The following SLC24A3 variants were observed in gnomAD, a reference collection of about 807,000 sequenced individuals.
SLC24A3 encodes sodium/potassium/calcium exchanger 3.
SLC24A3 carries 28 observed loss-of-function variants against 75.8 expected under a neutral mutation model. The ratio of observed to expected loss-of-function variants is 0.37; its 90% CI spans 0.27 to 0.51. The LOEUF (loss-of-function observed/expected upper bound fraction) is 0.51. Ranked by LOEUF, SLC24A3 falls within the 20% of genes least tolerant of loss-of-function variation. The pLI, the probability that SLC24A3 is intolerant of heterozygous loss-of-function variation, is 0.94. For synonymous variants in SLC24A3, 372 were observed against 334.1 expected, an observed-to-expected ratio of 1.11 and a Z score of -1.24; for missense variants, 663 against 847.8, an observed-to-expected ratio of 0.78 and a Z score of 2.71.
chr20:19,572,448 C>T (rs547233328), intron 3 of SLC24A3, among the ~76,000 whole-genome samples: 11 of 152,160 alleles, frequency 7.2e-5, no homozygotes, highest in African/African-American at 2.6e-4. Context: ...ACTCTGGAGA[C>T]AGCCTAGAGT....
intron 2 of SLC24A3, among the ~76,000 whole-genome samples, chr20:19,508,671 C>T (rs1988494477): frequency 6.6e-6 from 1 of 152,200 alleles, no homozygotes; most frequent in Non-Finnish European, 1.5e-5. Context: ...TCCATGGGAA[C>T]AGCACCGCTT....
chr20:19,412,957 G>A (rs1263856845), intron 2 of SLC24A3, among the ~76,000 whole-genome samples: 1 of 152,198 alleles, frequency 6.6e-6, no homozygotes, highest in African/African-American at 2.4e-5. Context: ...AAAGTGGGAA[G>A]AGTGGCTTAA....
At chr20:19,715,539 C>A (rs111632205) in intron 15 of SLC24A3, among the ~76,000 whole-genome samples, 2 of 152,148 alleles carry the variant, frequency 1.3e-5, no homozygotes, top group Admixed American at 6.5e-5. Flanking sequence ...TTGCAAGTCA[C>A]GAGAGAAAGA....
At chr20:19,274,321 C>T (rs1440614426) in intron 1 of SLC24A3, among the ~76,000 whole-genome samples, 1 of 151,968 alleles carries the variant, frequency 6.6e-6, no homozygotes, top group Non-Finnish European at 1.5e-5. Flanking sequence ...GAACCTATCG[C>T]CTCCTGTGGC....
At chr20:19,243,344 G>A (rs1022217495) in intron 1 of SLC24A3, among the ~76,000 whole-genome samples, 3 of 152,204 alleles carry the variant, frequency 2.0e-5, no homozygotes, top group African/African-American at 7.2e-5. Flanking sequence ...TACAGGAGGT[G>A]AGGGAATAAG....
chr20:19,673,518 C>T lies in SLC24A3; in HGVS notation c.714-83C>T, dbSNP rs562677968. 2.7e-5 allele frequency: 33 copies of T among 1,218,266 alleles called. No homozygotes were observed. The African/African-American group carries it at 3.7e-4, about 14-fold the overall frequency. The allele number at this position is 1,218,266 out of a possible 1,614,324, so 75.5% of individuals were successfully genotyped here. On this transcript the variant is annotated intron_variant, in intron 8 of 16. Coordinates refer to ENST00000328041, the MANE Select transcript of SLC24A3 (RefSeq NM_020689.4). The stretch of plus-strand genomic sequence containing the variant: ...TTCTCCTTACTATCCTGGCCGTTTG[C>T]ATCAAATATGTCTTTAAAAATGAGG...
At chr20:19,272,337 A>G (rs961475779) in intron 1 of SLC24A3, among the ~76,000 whole-genome samples, 8 of 152,222 alleles carry the variant, frequency 5.3e-5, no homozygotes, top group African/African-American at 1.9e-4. Context: ...AGATGGAGAG[A>G]TCAAGCTGTG....
intron 2 of SLC24A3, among the ~76,000 whole-genome samples, chr20:19,314,608 C>T (rs1282257657): frequency 6.6e-6 from 1 of 152,218 alleles, no homozygotes; most frequent in Non-Finnish European, 1.5e-5. Context: ...AGCTACTGCG[C>T]CCTGCCTTTA....
intron 6 of SLC24A3, among the ~76,000 whole-genome samples, chr20:19,637,454 T>C (rs1042646059): frequency 1.3e-5 from 2 of 152,264 alleles, no homozygotes; most frequent in African/African-American, 4.8e-5. Context: ...ATGTTTCAGA[T>C]AACAGGTTCT....
At chr20:19,358,650 A>G (rs1419012361) in intron 2 of SLC24A3, among the ~76,000 whole-genome samples, 1 of 152,188 alleles carries the variant, frequency 6.6e-6, no homozygotes, top group East Asian at 1.9e-4. Context: ...TGTAAAATGT[A>G]CTATGTTACT....
chr20:19,258,101 C>G (rs761465), intron 1 of SLC24A3, among the ~76,000 whole-genome samples: 1 of 152,052 alleles, frequency 6.6e-6, no homozygotes, highest in African/African-American at 2.4e-5. Context: ...TTTGGAATGC[C>G]GTTCCTAAAC....
chr20:19,277,055 G>A (rs1983511454), intron 1 of SLC24A3, among the ~76,000 whole-genome samples: 2 of 152,226 alleles, frequency 1.3e-5, no homozygotes, highest in Admixed American at 6.5e-5. Flanking sequence ...ATTATAAGGT[G>A]CAGGCTGCAT....
intron 2 of SLC24A3, among the ~76,000 whole-genome samples, chr20:19,507,586 G>T (rs1988479806): frequency 6.6e-6 from 1 of 152,208 alleles, no homozygotes; most frequent in Admixed American, 6.5e-5. Flanking sequence ...AAAATGGTGA[G>T]CCAGGCACTG....
chr20:19,236,439 C>G (rs1417652615), intron 1 of SLC24A3, among the ~76,000 whole-genome samples: 2 of 152,096 alleles, frequency 1.3e-5, no homozygotes, highest in Non-Finnish European at 2.9e-5. Flanking sequence ...CTATCCTCCA[C>G]TCTACACTAG....
chr20:19,523,982 C>A (rs961257320), intron 3 of SLC24A3, among the ~76,000 whole-genome samples: 1 of 152,124 alleles, frequency 6.6e-6, no homozygotes, highest in Non-Finnish European at 1.5e-5. Flanking sequence ...AATCAGCATC[C>A]CCCAGAAGAA....
chr20:19,347,313 C>T (rs1476002749), intron 2 of SLC24A3, among the ~76,000 whole-genome samples: 2 of 152,162 alleles, frequency 1.3e-5, no homozygotes, highest in African/African-American at 4.8e-5. Context: ...CATGACATTA[C>T]ATATTTTCAA....
Position 19,721,123 on chromosome 20 carries a change from A to G in SLC24A3, c.1918A>G (p.Met640Val). 6.2e-7 allele frequency: 1 copy of G among 1,613,978 alleles called. No homozygotes were observed. The highest frequency in any genetic ancestry group is 1.1e-5 in the South Asian group (1 of 91,072). ...CGTGTTCACCTTTGTGAACCTGCCC[A>G]TGTGCGGGGACCACTGAGCCGCCGG... ...FNVFTFVNLP[M>V]CGDH Residue 640 changes from methionine (M) to valine (V), a missense_variant, in exon 17 of 17, where the codon ATG (methionine) becomes GTG (valine). Coordinates refer to ENST00000328041, the MANE Select transcript of SLC24A3 (RefSeq NM_020689.4).
intron 2 of SLC24A3, among the ~76,000 whole-genome samples, chr20:19,372,668 G>A (rs1269297208): frequency 5.3e-5 from 8 of 152,156 alleles, no homozygotes; most frequent in Non-Finnish European, 1.2e-4. Flanking sequence ...CTGCTGGAGT[G>A]AGAAAACTGG....
At chr20:19,712,287 G>A (rs1241760883) in intron 15 of SLC24A3, among the ~76,000 whole-genome samples, 1 of 151,920 alleles carries the variant, frequency 6.6e-6, no homozygotes, top group East Asian at 1.9e-4. Context: ...GTGGAGCCAG[G>A]GACTGGAGGG....
Sources: allele counts gnomAD v4.1 joint callset (sites outside exome capture counted in the v4.1 genomes callset), GRCh38; gene constraint gnomAD v4.1.1; transcripts MANE v1.5; gene names NCBI Gene and HGNC (gene_info 2026-07-23, HGNC 2026-07-21).